MRGPRX1: variants seen among roughly 807,000 people sequenced by gnomAD.
MRGPRX1 encodes MAS related GPR family member X1.
For synonymous variants in MRGPRX1, 208 were observed against 170.4 expected, an observed-to-expected ratio of 1.22 and a Z score of -1.72; for missense variants, 411 against 393.8, an observed-to-expected ratio of 1.04 and a Z score of -0.37.
In MRGPRX1 at chr11:18,934,660, A is replaced by T. The variant is rs1370012842; in HGVS notation, c.125T>A (p.Leu42Gln). 1.2e-6 allele frequency: 2 copies of T among 1,610,740 alleles called. No homozygotes were observed. Among genetic ancestry groups the T allele is most frequent in the Admixed American group, 1.7e-5 (1 of 59,366 alleles). Reference protein sequence around the residue: ...VLTCIVSLVGLTGNAVVLWLL... With the variant: ...VLTCIVSLVGQTGNAVVLWLL... ...CCAGAGCACAACTGCGTTTCCTGTC[A>T]GCCCGACAAGGGAAACGATGCACGT... The change falls in exon 2 of 2, where the codon CTG (leucine) becomes CAG (glutamine). Residue 42 changes from leucine to glutamine, a missense_variant. Transcript: ENST00000526914.
At chr11:18,936,984 C>T (rs1848846189) in intron 1 of MRGPRX1, among the ~76,000 whole-genome samples, 1 of 151,382 alleles carries the variant, frequency 6.6e-6, no homozygotes, top group Non-Finnish European at 1.5e-5. Context: ...GAATCAGAGA[C>T]AGAGGCAGAA....
intron 1 of MRGPRX1, among the ~76,000 whole-genome samples, chr11:18,937,184 A>C (rs1456952532): frequency 1.3e-5 from 2 of 151,458 alleles, no homozygotes; most frequent in Non-Finnish European, 2.9e-5. Context: ...GACCAATAGC[A>C]GGAGCAACGC....
chr11:18,934,575 T>C lies in MRGPRX1; in HGVS notation c.210A>G (p.Ala70=), dbSNP rs781750794. ...AFSIYILNLA[A]ADFLFLSGRL... is the part of the protein sequence containing the mutation. ...GGCCGCTGAGGAAGAGGAAGTCTGC[T>C]GCGGCCAAGTTGAGGATGTAGATGG... The change falls in exon 2 of 2, where the codon GCA becomes GCG. Residue 70 remains alanine, a synonymous_variant. Coordinates refer to ENST00000526914, the MANE Select transcript of MRGPRX1 (RefSeq NM_001393578.1). The C allele has an allele frequency of 3.7e-6, 6 of 1,609,630 alleles. No homozygotes were observed. In the Admixed American group the frequency reaches 5.1e-5, roughly 14 times the overall value.
chr11:18,934,332 C>G lies in MRGPRX1; in HGVS notation c.453G>C (p.Leu151=), dbSNP rs151061578. 16 of 1,610,764 alleles carry G rather than the reference C, an allele frequency of 9.9e-6. No homozygotes were observed. The African/African-American group carries it at 2.1e-4, about 22-fold the overall frequency. ...VVCVLLWALS[L]LRSILEWMLC... The stretch of plus-strand genomic sequence containing the variant: ...ACATCCACTCCAGGATGCTCCGCAG[C>G]AGGGACAGGGCCCAGAGCAGGACAC... Residue 151 remains leucine, a synonymous_variant, in exon 2 of 2, where the codon CTG becomes CTC. Coordinates refer to ENST00000526914, the MANE Select transcript of MRGPRX1 (RefSeq NM_001393578.1).
intron 1 of MRGPRX1, among the ~76,000 whole-genome samples, chr11:18,936,623 C>A (rs1848843114): frequency 6.6e-6 from 1 of 151,278 alleles, no homozygotes; most frequent in African/African-American, 2.4e-5. Context: ...CCTCTGTTAT[C>A]CACAGGCAGG....
rs1848810456 is a variant in MRGPRX1 at position 18,933,831 on chromosome 11, G to T, written c.954C>A (p.Ser318Arg). 6.2e-7 allele frequency: 1 copy of T among 1,608,014 alleles called. No homozygotes were observed. The highest frequency in any genetic ancestry group is 1.7e-5 in the Admixed American group (1 of 58,850). Residue 318 changes from serine (S) to arginine (R), a missense_variant, in exon 2 of 2, where the codon AGC becomes AGA. Ser to Arg is a moderately radical substitution (Grantham distance 110). Coordinates refer to ENST00000526914, the MANE Select transcript of MRGPRX1 (RefSeq NM_001393578.1). ...LPEEILELSG[S>R]RLEQ ...AGGCTCTTCCTCACTGCTCCAATCT[G>T]CTTCCCGACAGCTCCAGGATTTCCT...
Position 18,937,139 on chromosome 11 carries a change from G to A in MRGPRX1, c.-26+2141C>T, listed in dbSNP as rs921309160. The stretch of plus-strand genomic sequence containing the variant: ...GACCAGGTGCTGTTCAGTGAAAGAT[G>A]CACAAAAGTGATGTAAGCAAGTCCT... On this transcript the variant is annotated intron_variant, in intron 1 of 1. Transcript: ENST00000526914. Among the ~76,000 whole-genome samples, 9 of 151,492 alleles carry A rather than the reference G, an allele frequency of 5.9e-5. 1 individual carries two copies. Among genetic ancestry groups the A allele is most frequent in the African/African-American group, 2.2e-4 (9 of 41,302 alleles).
rs753343825 is a variant in MRGPRX1 at position 18,934,684 on chromosome 11, G to A, written c.101C>T (p.Thr34Met). ...CAGCCCGACAAGGGAAACGATGCAC[G>A]TCAGCACCGTGAGGCTCAAGGTCTG... The part of the protein sequence containing the change: ...YKQTLSLTVL[T>M]CIVSLVGLTG... The change falls in exon 2 of 2, where the codon ACG becomes ATG. Residue 34 changes from threonine to methionine, a missense_variant. Transcript: ENST00000526914. 24 of 1,610,562 alleles carry A rather than the reference G, an allele frequency of 1.5e-5. No individual in the cohort carries two copies. The highest frequency in any genetic ancestry group is 2.2e-5 in the East Asian group (1 of 44,802).
chr11:18,937,990 G>A (rs1022817685), intron 1 of MRGPRX1, among the ~76,000 whole-genome samples: 3 of 151,372 alleles, frequency 2.0e-5, no homozygotes, highest in Non-Finnish European at 4.4e-5. Flanking sequence ...GAAGGAGAGA[G>A]GGATAGTCTC....
intron 1 of MRGPRX1, among the ~76,000 whole-genome samples, chr11:18,936,682 T>C (rs1848843626): frequency 6.6e-6 from 1 of 151,550 alleles, no homozygotes; most frequent in Non-Finnish European, 1.5e-5. Context: ...TGTGTTTGTC[T>C]TCCTCATGAA....
chr11:18,934,937 A>G lies in MRGPRX1; in HGVS notation c.-25-128T>C, dbSNP rs58763489. 1.0e-3 allele frequency: 1,131 copies of G among 1,101,062 alleles called. 21 individuals carry two copies. The East Asian group carries it at 0.013, about 13-fold the overall frequency. 68.2% of individuals were successfully genotyped at this position (1,101,062 alleles called of 1,614,324 possible). On this transcript the variant is annotated intron_variant, in intron 1 of 1. Coordinates refer to ENST00000526914, the MANE Select transcript of MRGPRX1 (RefSeq NM_001393578.1). ...GAGACTCACAGAGAATAAGTCACCT[A>G]TCAAAAGGTGGGGGTCCTCAAATCC...
Position 18,934,489 on chromosome 11 carries a change from T to A in MRGPRX1, c.296A>T (p.Tyr99Phe). 1 of 1,610,454 alleles carries A rather than the reference T, an allele frequency of 6.2e-7. No homozygotes were observed. Among genetic ancestry groups the A allele is most frequent in the Non-Finnish European group, 8.5e-7 (1 of 1,177,968 alleles). ...AAAGTAGGAAAACATCATCACAGGA[T>A]AGAGGATTTTAGAGATGGTATGGGG... ...SIPHTISKIL[Y>F]PVMMFSYFAG... is the part of the protein sequence containing the mutation. Residue 99 changes from tyrosine (Y) to phenylalanine (F), a missense_variant, in exon 2 of 2, where the codon TAT (tyrosine) becomes TTT (phenylalanine). Physicochemically the swap from Tyr to Phe is conservative, Grantham distance 22 (BLOSUM62 3). Coordinates refer to ENST00000526914, the MANE Select transcript of MRGPRX1 (RefSeq NM_001393578.1).
chr11:18,936,629 G>A (rs1393118546), intron 1 of MRGPRX1, among the ~76,000 whole-genome samples: 18 of 151,348 alleles, frequency 1.2e-4, no homozygotes, highest in African/African-American at 3.6e-4. Flanking sequence ...TTATCCACAG[G>A]CAGGGCACTA....
intron 1 of MRGPRX1, chr11:18,935,158 G>A (rs1277845495): frequency 1.5e-5 from 3 of 200,648 alleles, no homozygotes; most frequent in Non-Finnish European, 3.0e-5. Flanking sequence ...CAAAGAGGTG[G>A]TTGTGACACC....
chr11:18,934,318 A>G lies in MRGPRX1; in HGVS notation c.467T>C (p.Leu156Pro). ...CAGGAAGCCACATAACATCCACTCC[A>G]GGATGCTCCGCAGCAGGGACAGGGC... is the stretch of plus-strand genomic sequence containing the variant. The part of the protein sequence containing the change: ...LWALSLLRSI[L>P]EWMLCGFLFS... The change falls in exon 2 of 2, where the codon CTG becomes CCG. Residue 156 changes from leucine to proline, a missense_variant. By Grantham distance (98) the Leu-to-Pro change is moderately conservative (BLOSUM62 -3). Coordinates refer to ENST00000526914, the MANE Select transcript of MRGPRX1 (RefSeq NM_001393578.1). The G allele has an allele frequency of 6.2e-7, 1 of 1,610,786 alleles. No homozygotes were observed. The highest frequency in any genetic ancestry group is 8.5e-7 in the Non-Finnish European group (1 of 1,178,166).
intron 1 of MRGPRX1, among the ~76,000 whole-genome samples, chr11:18,937,372 T>C (rs971927328): frequency 6.6e-6 from 1 of 151,254 alleles, no homozygotes; most frequent in Non-Finnish European, 1.5e-5. Flanking sequence ...TTTCTGGATA[T>C]TCACAGGGGC....
chr11:18,934,635 C>A lies in MRGPRX1; in HGVS notation c.150G>T (p.Trp50Cys). The change falls in exon 2 of 2, where the codon TGG becomes TGT. Residue 50 changes from tryptophan to cysteine, a missense_variant. Trp to Cys is a radical substitution (Grantham distance 215). Transcript: ENST00000526914. The part of the protein sequence containing the change: ...VGLTGNAVVL[W>C]LLGCRMRRNA... Reference sequence around the variant, plus strand: ...TCCTGCGCATGCGGCAGCCCAGGAGCCAGAGCACAACTGCGTTTCCTGTCA... The same window carrying A: ...TCCTGCGCATGCGGCAGCCCAGGAGACAGAGCACAACTGCGTTTCCTGTCA... 1 of 1,610,746 alleles carries A rather than the reference C, an allele frequency of 6.2e-7. No homozygotes were observed. The highest frequency in any genetic ancestry group is 8.5e-7 in the Non-Finnish European group (1 of 1,178,122).
rs781367140 is a variant in MRGPRX1, at chr11:18,935,234, T to C, written c.-25-425A>G. The C allele has an allele frequency of 5.4e-4, 86 of 160,506 alleles. 4 individuals are homozygous for C. Among genetic ancestry groups the C allele is most frequent in the Non-Finnish European group, 8.8e-4 (65 of 73,786 alleles). The allele number at this position is 160,506 out of a possible 1,614,324, so 9.9% of individuals were successfully genotyped here. A position where few individuals can be genotyped will look rare whatever the true frequency, so the allele number is the denominator to read the frequency against. On this transcript the variant is annotated intron_variant, in intron 1 of 1. Transcript: ENST00000526914. ...CCATGCATTATGAACCAGAGGAAAA[T>C]GTGACCTTCGCTAGGATAAGTGTGA...
In MRGPRX1 at chr11:18,933,765, G is replaced by A; in HGVS notation, c.*51C>T. On this transcript the variant is annotated 3_prime_UTR_variant, in exon 2 of 2. Transcript: ENST00000526914. ...AAAACGCATATAATTGTCAAGGGTG[G>A]CAGGGCAGTGTTGCTCTCAAAGTCC... 2.6e-6 allele frequency: 4 copies of A among 1,540,634 alleles called. No individual in the cohort carries two copies. Among genetic ancestry groups the A allele is most frequent in the Non-Finnish European group, 3.5e-6 (4 of 1,145,948 alleles).
Sources: gnomAD v4.1 joint callset for allele counts (sites outside exome capture counted in the v4.1 genomes callset) on GRCh38, gnomAD v4.1.1 for gene constraint, MANE v1.5 for transcripts, NCBI Gene and HGNC (gene_info 2026-07-23, HGNC 2026-07-21) for gene names.